Variants in POR observed in about 807,000 individuals in gnomAD.
POR encodes cytochrome p450 oxidoreductase, also known as NADPH--cytochrome P450 reductase.
POR carries 56 observed loss-of-function variants against 84.0 expected under a neutral mutation model. The ratio of observed to expected loss-of-function variants is 0.67; its 90% CI spans 0.54 to 0.83. POR has a LOEUF of 0.83. Ranked by LOEUF, POR falls within the 40% of genes least tolerant of loss-of-function variation. POR has a pLI of 0.00. For synonymous variants in POR, 414 were observed against 400.5 expected (o/e 1.03, Z -0.40); for missense variants, 938 against 944.3 (o/e 0.99, Z 0.09).
chr7:75,931,069 C>T (rs1284394457), intron 1 of POR, among the ~76,000 whole-genome samples: 7 of 151,986 alleles, frequency 4.6e-5, no homozygotes, highest in African/African-American at 9.7e-5. Flanking sequence ...TCCATCCTCC[C>T]GCCTCAGCCT....
chr7:75,920,227 G>C (rs372402257), intron 1 of POR, among the ~76,000 whole-genome samples: 1 of 151,766 alleles, frequency 6.6e-6, no homozygotes, highest in South Asian at 2.1e-4. Flanking sequence ...CATCACGCCC[G>C]GCTAATTTTT....
At chr7:75,966,704 G>A (rs1198151267) in intron 2 of POR, among the ~76,000 whole-genome samples, 7 of 152,278 alleles carry the variant, frequency 4.6e-5, no homozygotes, top group African/African-American at 9.6e-5. Flanking sequence ...CCTCAGCGTC[G>A]CCTGTGACGG....
At chr7:75,922,878 G>A in intron 1 of POR, 1 of 594,686 alleles carries the variant, frequency 1.7e-6, no homozygotes, top group Non-Finnish European at 3.0e-6. Flanking sequence ...AGGAGCAGAG[G>A]GAAGGAAAAG....
rs576125361 is a variant in POR, at chr7:75,930,848, G to T, written c.-5+15669G>T. Among the ~76,000 whole-genome samples the T allele has an allele frequency of 4.4e-5, 6 of 136,292 alleles. No homozygotes were observed. In the East Asian group the frequency reaches 1.4e-3, roughly 31 times the overall value. The allele number at this position is 136,292 out of a possible 152,430, so 89.4% of individuals were successfully genotyped here. ...TTATGTATTTATTTTTTAAAGACAG[G>T]GTCTTGCTCTGTCACCCAGGCTGGA... On this transcript the variant is annotated intron_variant, in intron 1 of 15. Coordinates refer to ENST00000461988, the MANE Select transcript of POR (RefSeq NM_000941.3).
At chr7:75,938,998 C>CA (rs1554551178) in intron 1 of POR, among the ~76,000 whole-genome samples, 1 of 152,192 alleles carries the variant, frequency 6.6e-6, no homozygotes. Flanking sequence ...TTCAGACTGT[C>CA]ATGCCTGCTT....
intron 1 of POR, among the ~76,000 whole-genome samples, chr7:75,939,250 C>T (rs552901166): frequency 6.6e-6 from 1 of 152,340 alleles, no homozygotes; most frequent in South Asian, 2.1e-4. Context: ...TGAACATTGT[C>T]TAGAGGCTTT....
At chr7:75,947,864 G>A (rs1334528391) in intron 1 of POR, among the ~76,000 whole-genome samples, 1 of 151,964 alleles carries the variant, frequency 6.6e-6, no homozygotes, top group Non-Finnish European at 1.5e-5. Flanking sequence ...GTGGCTCAGG[G>A]TGGGGCTGGA....
At chr7:75,938,276 C>T (rs1217720574) in intron 1 of POR, among the ~76,000 whole-genome samples, 2 of 152,144 alleles carry the variant, frequency 1.3e-5, no homozygotes, top group South Asian at 2.1e-4. Flanking sequence ...TCCAGGATAC[C>T]TTGGTGAAAG....
intron 1 of POR, among the ~76,000 whole-genome samples, chr7:75,949,231 T>C (rs1378360895): frequency 3.3e-5 from 5 of 152,066 alleles, no homozygotes; most frequent in African/African-American, 1.2e-4. Context: ...CTCAGCTCAC[T>C]ACAACCTCTG....
chr7:75,981,912 T>C (rs1789071142), intron 7 of POR: 1 of 567,148 alleles, frequency 1.8e-6, no homozygotes, highest in East Asian at 3.0e-5. Context: ...GCCAAAAACA[T>C]AACGTTCCTC....
At chr7:75,945,857 C>T (rs1043032888) in intron 1 of POR, among the ~76,000 whole-genome samples, 6 of 152,178 alleles carry the variant, frequency 3.9e-5, no homozygotes, top group South Asian at 2.1e-4. Flanking sequence ...TTTTACGGAC[C>T]AGAAGTTGCA....
At chr7:75,981,682 C>A in intron 7 of POR, 76 bp downstream of exon 7, 1 of 1,265,912 alleles carries the variant, frequency 7.9e-7, no homozygotes, top group Non-Finnish European at 1.1e-6. Flanking sequence ...GGAACAAGGG[C>A]TGGCAGTGGG....
At chr7:75,925,487 G>A (rs1367134094) in intron 1 of POR, among the ~76,000 whole-genome samples, 2 of 152,162 alleles carry the variant, frequency 1.3e-5, no homozygotes, top group African/African-American at 4.8e-5. Flanking sequence ...ATTGCACCAC[G>A]ACACTGCAGC....
rs186455024 is a variant in POR, at chr7:75,958,988, A to G, written c.188+4808A>G. Among the ~76,000 whole-genome samples the G allele has an allele frequency of 6.3e-4, 96 of 152,354 alleles. 1 individual carries two copies. Among genetic ancestry groups the G allele is most frequent in the African/African-American group, 2.1e-3 (89 of 41,586 alleles). On this transcript the variant is annotated intron_variant, in intron 2 of 15. Coordinates refer to ENST00000461988, the MANE Select transcript of POR (RefSeq NM_000941.3). The stretch of plus-strand genomic sequence containing the variant: ...TTATCTGAAAATCTGAAATGCTCCA[A>G]TGATTCTTCCCTTTGAGGATCATGT...
At chr7:75,964,272 T>C (rs954423474) in intron 2 of POR, among the ~76,000 whole-genome samples, 6 of 152,126 alleles carry the variant, frequency 3.9e-5, no homozygotes, top group Non-Finnish European at 8.8e-5. Context: ...AGTGTTGGGA[T>C]TACAGGCGTG....
At chr7:75,955,859 C>T (rs191296545) in intron 2 of POR, among the ~76,000 whole-genome samples, 38 of 152,284 alleles carry the variant, frequency 2.5e-4, no homozygotes, top group African/African-American at 7.0e-4. Context: ...TGAAGCATGC[C>T]GCTCACATCA....
At chr7:75,921,265 CTT>C (rs55776717) in intron 1 of POR, 32,164 of 113,178 alleles carry the variant, frequency 0.28, 7,003 homozygotes, top group African/African-American at 0.65. Flanking sequence ...AGTTTTTAGT[CTT>C]TTTTTTTTTT....
intron 13 of POR, 33 bp downstream of exon 13, chr7:75,985,882 C>A: frequency 6.4e-7 from 1 of 1,552,794 alleles, no homozygotes; most frequent in Non-Finnish European, 8.7e-7. Context: ...GAGGGGGTGA[C>A]GACTGGGAGC....
chr7:75,917,094 G>T (rs980615003), intron 1 of POR, among the ~76,000 whole-genome samples: 5 of 151,548 alleles, frequency 3.3e-5, no homozygotes, highest in Admixed American at 3.3e-4. Context: ...TGTGAGACAG[G>T]TCTCACTCTG....
Sources: gnomAD v4.1 joint callset for allele counts (sites outside exome capture counted in the v4.1 genomes callset) on GRCh38, gnomAD v4.1.1 for gene constraint, MANE v1.5 for transcripts, NCBI Gene and HGNC (gene_info 2026-07-23, HGNC 2026-07-21) for gene names.